Variants in RTN4 observed in about 807,000 individuals in gnomAD.
RTN4 encodes reticulon 4.
RTN4 carries 32 observed loss-of-function variants against 90.4 expected under a neutral mutation model. The ratio of observed to expected loss-of-function variants is 0.35; its 90% CI spans 0.27 to 0.48. RTN4 has a LOEUF of 0.48. RTN4 is among the 20% of genes least tolerant of loss of function. The pLI is 0.99. For missense variants in RTN4, 1,706 were observed against 1,430.2 expected (o/e 1.19, Z -3.11); for synonymous variants, 629 against 552.5 (o/e 1.14, Z -1.94).
intron 3 of RTN4, among the ~76,000 whole-genome samples, chr2:55,021,290 T>C (rs572875430): frequency 3.7e-4 from 57 of 152,196 alleles, no homozygotes; most frequent in Middle Eastern, 3.4e-3. Context: ...CACTATAACA[T>C]AGATCACAAT....
intron 3 of RTN4, among the ~76,000 whole-genome samples, chr2:55,020,330 T>C (rs752298261): frequency 5.9e-5 from 9 of 151,896 alleles, no homozygotes; most frequent in Admixed American, 1.3e-4. Flanking sequence ...CAAAACAGCA[T>C]GGTACTGGCA....
At chr2:55,126,997 T>C in the RTN4 span, among the ~76,000 whole-genome samples, 3 of 151,952 alleles carry the variant, frequency 2.0e-5, no homozygotes, top group South Asian at 4.2e-4. Context: ...CAACAGACAC[T>C]GGGGTCTACT....
intron 1 of RTN4, among the ~76,000 whole-genome samples, chr2:55,111,882 C>G (rs1040617950): frequency 7.9e-5 from 12 of 152,224 alleles, no homozygotes; most frequent in African/African-American, 2.7e-4. Context: ...GTGACCAGCT[C>G]TGCCGGCAGA....
At chr2:55,014,731 G>A (rs1346582399) in intron 3 of RTN4, among the ~76,000 whole-genome samples, 1 of 152,034 alleles carries the variant, frequency 6.6e-6, no homozygotes, top group Non-Finnish European at 1.5e-5. Flanking sequence ...TGGCCAGGAT[G>A]GTCTGGATCT....
chr2:55,097,754 A>T (rs899638534), intron 1 of RTN4, among the ~76,000 whole-genome samples: 4 of 152,130 alleles, frequency 2.6e-5, no homozygotes, highest in African/African-American at 9.7e-5. Context: ...TTGAAGTGAA[A>T]TCCATAATGA....
chr2:54,974,285 C>T (rs142280476), intron 6 of RTN4: 2,436 of 241,770 alleles, frequency 0.01, 62 homozygotes, highest in South Asian at 0.062. Flanking sequence ...AATACAACCT[C>T]AAACTTATTT....
chr2:55,083,056 C>A (rs1668751477), intron 1 of RTN4, among the ~76,000 whole-genome samples: 1 of 152,170 alleles, frequency 6.6e-6, no homozygotes, highest in African/African-American at 2.4e-5. Context: ...ATAACAGTAA[C>A]AACATCAACA....
intron 1 of RTN4, among the ~76,000 whole-genome samples, chr2:55,112,149 T>C (rs558534834): frequency 4.1e-4 from 62 of 152,328 alleles, no homozygotes; most frequent in Non-Finnish European, 6.0e-4. Context: ...TGTTCAGGAC[T>C]ATATGAGGCC....
At chr2:55,075,995 G>A (rs572206380) in intron 2 of RTN4, among the ~76,000 whole-genome samples, 1 of 152,208 alleles carries the variant, frequency 6.6e-6, no homozygotes, top group East Asian at 1.9e-4. Context: ...AACAAACTTT[G>A]GAGAAACCCT....
In RTN4 at chr2:55,025,938, T is replaced by C; in HGVS notation, c.2161A>G (p.Met721Val). The C allele has an allele frequency of 3.1e-6, 5 of 1,612,884 alleles. No individual in the cohort carries two copies. The highest frequency in any genetic ancestry group is 2.2e-5 in the East Asian group (1 of 44,876). The change falls in exon 3 of 9, where the codon ATG (methionine) becomes GTG (valine). Residue 721 changes from methionine (M) to valine (V), a missense_variant. Met to Val is a conservative substitution (Grantham distance 21). Transcript: ENST00000337526. ...GGCACTGGCTGTTCAACTTTTGCCA[T>C]TTCTGAATAATCAGAGAAATCCGGA... The part of the protein sequence containing the change: ...PAPDFSDYSE[M>V]AKVEQPVPDH...
chr2:55,018,578 A>G (rs1272063237), intron 3 of RTN4, among the ~76,000 whole-genome samples: 1 of 152,050 alleles, frequency 6.6e-6, no homozygotes, highest in Non-Finnish European at 1.5e-5. Context: ...TAAAACTCTT[A>G]TAGGTGTATT....
intron 1 of RTN4, among the ~76,000 whole-genome samples, chr2:55,035,833 T>C (rs1247419608): frequency 2.0e-5 from 3 of 152,116 alleles, no homozygotes; most frequent in Non-Finnish European, 4.4e-5. Flanking sequence ...CTTAGATGAG[T>C]AGACAACTTC....
intron 1 of RTN4, among the ~76,000 whole-genome samples, chr2:55,028,469 T>C (rs1682072045): frequency 6.6e-6 from 1 of 152,214 alleles, no homozygotes. Context: ...ATACAACCTG[T>C]TTATGTTAAA....
At chr2:55,066,361 T>C (rs1322867684) in intron 2 of RTN4, among the ~76,000 whole-genome samples, 1 of 152,136 alleles carries the variant, frequency 6.6e-6, no homozygotes, top group Non-Finnish European at 1.5e-5. Context: ...TAAACTCTTA[T>C]TTTTCAGTTT....
intron 3 of RTN4, among the ~76,000 whole-genome samples, chr2:54,992,460 T>C (rs1005445198): frequency 5.3e-5 from 8 of 152,162 alleles, no homozygotes; most frequent in Non-Finnish European, 2.9e-5. Context: ...ATTAACAAGA[T>C]AGTTTAATCA....
chr2:55,032,074 G>A (rs1468528523), intron 1 of RTN4, among the ~76,000 whole-genome samples: 2 of 151,732 alleles, frequency 1.3e-5, no homozygotes, highest in African/African-American at 2.4e-5. Context: ...TAACGTAGAC[G>A]TTGGATTCGC....
chr2:55,064,761 G>T (rs1476574692), intron 2 of RTN4, among the ~76,000 whole-genome samples: 1 of 151,988 alleles, frequency 6.6e-6, no homozygotes, highest in Non-Finnish European at 1.5e-5. Flanking sequence ...GAGAAATAGA[G>T]TTTTCTGGTT....
chr2:55,115,455 T>C (rs151206173), upstream of RTN4, among the ~76,000 whole-genome samples: 103 of 152,304 alleles, frequency 6.8e-4, no homozygotes, highest in East Asian at 0.017. Context: ...CCCATCTATA[T>C]ATATAGGTAA....
chr2:55,049,678 C>G, intron 1 of RTN4, 67 bp downstream of exon 1: 2 of 1,497,416 alleles, frequency 1.3e-6, no homozygotes, highest in Admixed American at 2.4e-5. Context: ...CCCAAAGCAT[C>G]TGGGGCTGCA....
Sources: allele counts gnomAD v4.1 joint callset (sites outside exome capture counted in the v4.1 genomes callset), GRCh38; gene constraint gnomAD v4.1.1; transcripts MANE v1.5; gene names NCBI Gene and HGNC (gene_info 2026-07-23, HGNC 2026-07-21).